Variants in PENK observed in about 807,000 individuals in gnomAD.
The protein encoded by PENK is proenkephalin.
PENK carries 25 observed loss-of-function variants against 24.1 expected under a neutral mutation model. That is an observed-to-expected ratio of 1.04 (90% CI 0.76 to 1.45). The LOEUF (loss-of-function observed/expected upper bound fraction) is 1.45, where lower values mean the gene tolerates loss of function less well. PENK is among the 40% of genes most tolerant of loss of function. PENK has a pLI of 0.00. For missense variants in PENK, 353 were observed against 337.9 expected (o/e 1.04, Z -0.35); for synonymous variants, 135 against 130.3 (o/e 1.04, Z -0.24).
chr8:56,442,182 A>G (rs1804573418), intron 3 of PENK, among the ~76,000 whole-genome samples: 1 of 152,144 alleles, frequency 6.6e-6, no homozygotes, highest in Admixed American at 6.5e-5. Flanking sequence ...TGGATTTTAA[A>G]CCCATAGAAA....
intron 3 of PENK, among the ~76,000 whole-genome samples, chr8:56,444,888 G>A (rs1216502648): frequency 1.3e-5 from 2 of 152,308 alleles, no homozygotes; most frequent in East Asian, 1.9e-4. Context: ...CAAAAGCAAT[G>A]CAAAGGAATT....
At chr8:56,444,333 T>C (rs1042690407) in intron 3 of PENK, among the ~76,000 whole-genome samples, 80 of 152,364 alleles carry the variant, frequency 5.3e-4, no homozygotes, top group African/African-American at 1.9e-3. Flanking sequence ...TTTATTCAGA[T>C]GGCAGAGAAA....
At chr8:56,443,199 T>C in intron 3 of PENK, among the ~76,000 whole-genome samples, 1 of 152,288 alleles carries the variant, frequency 6.6e-6, no homozygotes, top group Admixed American at 6.5e-5. Flanking sequence ...AGATGATCCA[T>C]TAATAATTAA....
At chr8:56,446,169 G>C (rs1400666255) in intron 2 of PENK, 1 of 564,642 alleles carries the variant, frequency 1.8e-6, no homozygotes, top group Admixed American at 3.1e-5. Flanking sequence ...TGGCGCGGTC[G>C]CCCCCAACGC....
chr8:56,445,708 C>A, intron 3 of PENK, 108 bp downstream of exon 3: 2 of 1,443,036 alleles, frequency 1.4e-6, no homozygotes, highest in South Asian at 1.1e-5. Flanking sequence ...GGCTCCGACC[C>A]GGTGCGAACC....
chr8:56,441,421 G>C lies in PENK; in HGVS notation c.655C>G (p.Arg219Gly), dbSNP rs578255165. The C allele has an allele frequency of 5.6e-6, 9 of 1,613,794 alleles. No individual in the cohort carries two copies. The highest frequency in any genetic ancestry group is 5.3e-5 in the African/African-American group (4 of 74,910). The change falls in exon 4 of 4, where the codon CGC becomes GGC. Residue 219 changes from arginine to glycine, a missense_variant. Transcript: ENST00000451791. ...TGGTAGTCCATCCACCACTCTGGGC[G>C]ACCTACTCTTCTCATGAAGCCCCCA... ...RYGGFMRRVG[R>G]PEWWMDYQKR...
Position 56,445,946 on chromosome 8 carries a change from C to A in PENK, c.8G>T (p.Arg3Leu), listed in dbSNP as rs986824591. MA[R>L]FLTLCTWLLL... ...CAGCCAAGTGCAAAGTGTCAGGAAC[C>A]GCGCCATGGACTGCGAGGAGAGAGG... The change falls in exon 3 of 4, where the codon CGG becomes CTG. Residue 3 changes from arginine (R) to leucine (L), a missense_variant. Physicochemically the swap from Arg to Leu is moderately radical, Grantham distance 102. Transcript: ENST00000451791. 3.1e-6 allele frequency: 5 copies of A among 1,607,394 alleles called. No homozygotes were observed. The highest frequency in any genetic ancestry group is 2.7e-5 in the African/African-American group (2 of 74,810).
chr8:56,445,601 A>T (rs903357071), intron 3 of PENK: 1 of 648,510 alleles, frequency 1.5e-6, no homozygotes, highest in African/African-American at 1.8e-5. Flanking sequence ...GTCCCCAGAT[A>T]GTCGCGGATC....
At chr8:56,443,843 T>C (rs1325270487) in intron 3 of PENK, 1 of 599,298 alleles carries the variant, frequency 1.7e-6, no homozygotes, top group African/African-American at 1.8e-5. Flanking sequence ...TCTATAAGAC[T>C]ATTTTTATTG....
chr8:56,445,776 T>C, intron 3 of PENK, 40 bp downstream of exon 3: 1 of 1,612,744 alleles, frequency 6.2e-7, no homozygotes, highest in Non-Finnish European at 8.5e-7. Flanking sequence ...GGAAACTCTG[T>C]CTCACAAGGT....
intron 3 of PENK, chr8:56,445,463 C>T (rs764423891): frequency 4.0e-6 from 2 of 502,492 alleles, no homozygotes; most frequent in Non-Finnish European, 7.1e-6. Context: ...TGACAGCCAT[C>T]TTCCTTCTGA....
In PENK at chr8:56,445,742, C is replaced by G. The variant is rs777487876; in HGVS notation, c.138+74G>C. On this transcript the variant is annotated intron_variant, in intron 3 of 3. Transcript: ENST00000451791. ...CCGCCATACGCGCCGCGCGGTGGGC[C>G]GGAGGCAGTCCGCGTACTGTTGCGG... 10 of 1,593,782 alleles carry G rather than the reference C, an allele frequency of 6.3e-6. No individual in the cohort carries two copies. The Admixed American group carries it at 6.7e-5, about 11-fold the overall frequency.
At chr8:56,445,681 C>G in intron 3 of PENK, 135 bp downstream of exon 3, 1 of 1,138,632 alleles carries the variant, frequency 8.8e-7, no homozygotes, top group Non-Finnish European at 1.3e-6. Context: ...CAGGTCACCA[C>G]GGGCTCGCGC....
At chr8:56,442,010 C>A in intron 3 of PENK, 73 bp from the exon 4 acceptor site, 1 of 1,117,040 alleles carries the variant, frequency 9.0e-7, no homozygotes, top group Non-Finnish European at 1.3e-6. Context: ...CTTTTGTGGA[C>A]CAAAATATGC....
chr8:56,442,074 T>C (rs1285980771), intron 3 of PENK, 137 bp from the exon 4 acceptor site: 2 of 638,772 alleles, frequency 3.1e-6, no homozygotes, highest in Non-Finnish European at 5.4e-6. Context: ...CAATTTCTTA[T>C]CACGACTTTT....
In PENK at chr8:56,445,850, T is replaced by TA. The variant is rs1484111562; in HGVS notation, c.103dup (p.Tyr35LeufsTer19). 1.9e-6 allele frequency: 3 copies of TA among 1,613,154 alleles called. No individual in the cohort carries two copies. The highest frequency in any genetic ancestry group is 2.5e-6 in the Non-Finnish European group (3 of 1,179,900). ...GATGTCGGCCGGGCGCACTAGGCGG[T>TA]AGCTGCACGTCGCGCAATCCTGGCT... On this transcript the variant is annotated frameshift_variant, in exon 3 of 4. Coordinates refer to ENST00000451791, the MANE Select transcript of PENK (RefSeq NM_001135690.3). LOFTEE classifies it high-confidence loss of function.
At position 56,445,519 on chromosome 8, in the gene PENK, A is replaced by G. The variant is rs1804639446; in HGVS notation, c.138+297T>C. On this transcript the variant is annotated intron_variant, in intron 3 of 3. Coordinates refer to ENST00000451791, the MANE Select transcript of PENK (RefSeq NM_001135690.3). ...TGCTATCCGAGGTGCTGAACAGAGG[A>G]CTTCTCGGGGTTCCCGAATTCCCAG... 5.0e-6 allele frequency: 3 copies of G among 599,132 alleles called. No homozygotes were observed. The Admixed American group carries it at 8.8e-5, about 18-fold the overall frequency. 37.1% of individuals were successfully genotyped at this position (599,132 alleles called of 1,614,324 possible). A position where few individuals can be genotyped will look rare whatever the true frequency, so the allele number is the denominator to read the frequency against.
At chr8:56,444,042 T>C (rs369924513) in intron 3 of PENK, 3 of 698,204 alleles carry the variant, frequency 4.3e-6, no homozygotes, top group Admixed American at 4.0e-5. Flanking sequence ...GAGAAGAGGG[T>C]GAGAGAGGGA....
chr8:56,444,690 C>A (rs1804621424), intron 3 of PENK, among the ~76,000 whole-genome samples: 1 of 152,164 alleles, frequency 6.6e-6, no homozygotes, highest in Non-Finnish European at 1.5e-5. Flanking sequence ...TAGCACAGGT[C>A]AAAGAAACAA....
Sources: gnomAD v4.1 joint callset for allele counts (sites outside exome capture counted in the v4.1 genomes callset) on GRCh38, gnomAD v4.1.1 for gene constraint, MANE v1.5 for transcripts, NCBI Gene and HGNC (gene_info 2026-07-23, HGNC 2026-07-21) for gene names.